Variants in AAK1 observed in about 807,000 individuals in gnomAD.
AAK1 encodes the protein AP2-associated protein kinase 1.
AAK1 carries 37 observed loss-of-function variants against 116.0 expected under a neutral mutation model. The ratio of observed to expected loss-of-function variants is 0.32; its 90% CI spans 0.25 to 0.42. The LOEUF (loss-of-function observed/expected upper bound fraction) is 0.42, where lower values mean the gene tolerates loss of function less well. Among genes scored for constraint, AAK1 ranks in the 10% least tolerant of loss-of-function variants. AAK1 has a pLI of 1.00. For synonymous variants in AAK1, 458 were observed against 439.9 expected, an observed-to-expected ratio of 1.04 and a Z score of -0.51; for missense variants, 919 against 1,170.6, an observed-to-expected ratio of 0.79 and a Z score of 3.14.
chr2:69,627,913 T>C (rs1435374407), intron 2 of AAK1, among the ~76,000 whole-genome samples: 1 of 152,208 alleles, frequency 6.6e-6, no homozygotes, highest in East Asian at 1.9e-4. Flanking sequence ...TCAAACACTA[T>C]TCTTTCTTCT....
intron 2 of AAK1, among the ~76,000 whole-genome samples, chr2:69,603,662 T>A (rs955415296): frequency 3.3e-5 from 5 of 152,166 alleles, no homozygotes; most frequent in Admixed American, 2.6e-4. Context: ...AAATAAAAAA[T>A]TTTAAGAGAG....
intron 2 of AAK1, among the ~76,000 whole-genome samples, chr2:69,603,263 A>G (rs750649705): frequency 1.3e-5 from 2 of 152,212 alleles, no homozygotes; most frequent in Non-Finnish European, 2.9e-5. Context: ...CAAGTAAGGC[A>G]AAAGTGGGTA....
intron 16 of AAK1, among the ~76,000 whole-genome samples, chr2:69,500,698 T>TATACATAC: frequency 1.5e-5 from 1 of 65,104 alleles, no homozygotes; most frequent in Non-Finnish European, 2.6e-5. Flanking sequence ...TATATATATA[T>TATACATAC]ACACACACAC....
intron 16 of AAK1, among the ~76,000 whole-genome samples, chr2:69,504,253 C>T (rs1167377612): frequency 2.0e-5 from 3 of 150,952 alleles, no homozygotes; most frequent in Non-Finnish European, 1.5e-5. Flanking sequence ...AAACATTAGC[C>T]GGCCATAGTG....
At chr2:69,519,347 C>A in intron 11 of AAK1, 107 bp from the exon 12 acceptor site, 1 of 1,406,808 alleles carries the variant, frequency 7.1e-7, no homozygotes. Flanking sequence ...TGCAGAGTAT[C>A]TCAAGATTCG....
At position 69,497,869 on chromosome 2, in the gene AAK1, C is replaced by T. The variant is rs533989037; in HGVS notation, c.2270-1789G>A. ...GATCACCGACTCCAGCACAGTACCG[C>T]GGCCCTAGGCTCCTCAGTGCTCACC... is the stretch of plus-strand genomic sequence containing the variant. On this transcript the variant is annotated intron_variant, in intron 16 of 21. Transcript: ENST00000409085. Among the ~76,000 whole-genome samples, 11 of 152,270 alleles carry T rather than the reference C, an allele frequency of 7.2e-5. No individual in the cohort carries two copies. In the South Asian group the frequency reaches 1.0e-3, roughly 14 times the overall value.
intron 2 of AAK1, among the ~76,000 whole-genome samples, chr2:69,591,300 C>A (rs1281918193): frequency 1.3e-5 from 2 of 152,090 alleles, no homozygotes; most frequent in African/African-American, 4.8e-5. Flanking sequence ...CAATCAAAAC[C>A]AGTAAGGTCT....
At chr2:69,598,762 C>A in intron 2 of AAK1, 1 of 182,024 alleles carries the variant, frequency 5.5e-6, no homozygotes, top group South Asian at 1.1e-4. Flanking sequence ...CTCAAGCGAT[C>A]CACTTGCCTC....
In AAK1 at chr2:69,471,057, A is replaced by C; in HGVS notation, c.*4812T>G. ...ACTGCATAAGATATCTTCATGTACA[A>C]CTGTATGCTTTGTCTTCTTGGGAAG... On this transcript the variant is annotated 3_prime_UTR_variant, in exon 22 of 22. Transcript: ENST00000409085. The C allele has an allele frequency of 7.1e-6, 7 of 985,840 alleles. No homozygotes were observed. Among genetic ancestry groups the C allele is most frequent in the Non-Finnish European group, 7.2e-6 (6 of 829,924 alleles). The allele number at this position is 985,840 out of a possible 1,614,324, so 61.1% of individuals were successfully genotyped here.
intron 2 of AAK1, among the ~76,000 whole-genome samples, chr2:69,581,087 A>G (rs1177523836): frequency 1.3e-5 from 2 of 152,072 alleles, no homozygotes; most frequent in African/African-American, 4.8e-5. Context: ...GAGCCTGCTG[A>G]GAGGACAAAA....
At chr2:69,551,585 A>C (rs1348525308) in intron 3 of AAK1, among the ~76,000 whole-genome samples, 3 of 152,196 alleles carry the variant, frequency 2.0e-5, no homozygotes, top group Non-Finnish European at 4.4e-5. Context: ...CTCATTATCA[A>C]GCTCAATGAG....
intron 2 of AAK1, among the ~76,000 whole-genome samples, chr2:69,575,255 A>G (rs1446806644): frequency 6.6e-6 from 1 of 152,030 alleles, no homozygotes; most frequent in Admixed American, 6.6e-5. Flanking sequence ...CACTAGCACC[A>G]ATCAATGAAC....
chr2:69,643,425 C>T (rs1173277864), intron 1 of AAK1, 150 bp downstream of exon 1: 1 of 1,180,426 alleles, frequency 8.5e-7, no homozygotes. Flanking sequence ...AAACGCGACC[C>T]CGGCCCCAGA....
chr2:69,581,263 G>A (rs981214690), intron 2 of AAK1, among the ~76,000 whole-genome samples: 4 of 151,998 alleles, frequency 2.6e-5, no homozygotes, highest in South Asian at 2.1e-4. Flanking sequence ...ACAGGCACAC[G>A]CCACCACACC....
rs114642108 is a variant in AAK1, at chr2:69,528,621, C to T, written c.872-1302G>A. Among the ~76,000 whole-genome samples the T allele has an allele frequency of 2.3e-3, 344 of 152,010 alleles. 2 individuals are homozygous for T. Among genetic ancestry groups the T allele is most frequent in the African/African-American group, 7.7e-3 (319 of 41,466 alleles). ...TCAATGGTGATACCACTGAGAGAAA[C>T]TGAAAAGAGGACAGGCGAACTGGGT... On this transcript the variant is annotated intron_variant, in intron 8 of 21. Coordinates refer to ENST00000409085, the MANE Select transcript of AAK1 (RefSeq NM_014911.5).
At chr2:69,586,054 A>G (rs997898915) in intron 2 of AAK1, among the ~76,000 whole-genome samples, 11 of 152,156 alleles carry the variant, frequency 7.2e-5, no homozygotes, top group African/African-American at 2.7e-4. Context: ...GGGGTCTGGG[A>G]AAAACTCCGA....
At chr2:69,541,176 G>A (rs937367269) in intron 5 of AAK1, among the ~76,000 whole-genome samples, 5 of 151,640 alleles carry the variant, frequency 3.3e-5, no homozygotes, top group Non-Finnish European at 5.9e-5. Flanking sequence ...AGATAGTAGC[G>A]ATGGTTACAC....
At chr2:69,626,245 T>C (rs80184537) in intron 2 of AAK1, among the ~76,000 whole-genome samples, 2,509 of 151,718 alleles carry the variant, frequency 0.017, 75 homozygotes, top group African/African-American at 0.056. Context: ...ATTATATTAT[T>C]ATTAAAAATA....
At chr2:69,478,125 A>G (rs1256023978) in intron 20 of AAK1, among the ~76,000 whole-genome samples, 1 of 152,250 alleles carries the variant, frequency 6.6e-6, no homozygotes, top group Non-Finnish European at 1.5e-5. Context: ...CTAAAATTCA[A>G]AACTTCTACA....
Sources: allele counts gnomAD v4.1 joint callset (sites outside exome capture counted in the v4.1 genomes callset), GRCh38; gene constraint gnomAD v4.1.1; transcripts MANE v1.5; gene names NCBI Gene and HGNC (gene_info 2026-07-23, HGNC 2026-07-21).